The following WNT7A variants were observed in gnomAD, a reference collection of about 807,000 sequenced individuals.
WNT7A encodes Wnt family member 7A.
In WNT7A, 16 loss-of-function variants were observed where a neutral mutation model predicts 28.2. The observed-to-expected ratio is 0.57, with a 90% CI of 0.38 to 0.86. WNT7A has a LOEUF of 0.86. Among genes scored for constraint, WNT7A ranks in the 40% least tolerant of loss-of-function variants. WNT7A has a pLI of 0.00. For missense variants in WNT7A, 411 were observed against 489.7 expected (o/e 0.84, Z 1.52); for synonymous variants, 190 against 195.9 (o/e 0.97, Z 0.25).
intron 2 of WNT7A, among the ~76,000 whole-genome samples, chr3:13,861,212 C>T (rs970593980): frequency 2.0e-5 from 3 of 152,240 alleles, no homozygotes; most frequent in African/African-American, 7.2e-5. Context: ...GGCTTGGCCA[C>T]CATGGCCTGT....
chr3:13,843,889 G>C (rs1244135254), intron 3 of WNT7A, among the ~76,000 whole-genome samples: 2 of 152,000 alleles, frequency 1.3e-5, no homozygotes, highest in Non-Finnish European at 2.9e-5. Context: ...TGGGATTACA[G>C]GTGCCCGCCA....
At chr3:13,858,432 C>A (rs1694782176) in intron 2 of WNT7A, among the ~76,000 whole-genome samples, 2 of 152,220 alleles carry the variant, frequency 1.3e-5, no homozygotes, top group Admixed American at 6.5e-5. Flanking sequence ...GTCCCTGGGT[C>A]TCTCAGTCTC....
rs202159136 is a variant in WNT7A, at chr3:13,818,784, A to ATT, written c.*158_*159dup. On this transcript the variant is annotated 3_prime_UTR_variant, in exon 4 of 4. Transcript: ENST00000285018. ...ACAGAATAGTTGAGGGCTCTGAGAG[A>ATT]TTTTTTTTCCCCCACGGATGCCTGC... The ATT allele has an allele frequency of 3.5e-6, 4 of 1,144,908 alleles. No individual in the cohort carries two copies. In the East Asian group the frequency reaches 7.9e-5, roughly 23 times the overall value. 70.9% of individuals were successfully genotyped at this position (1,144,908 alleles called of 1,614,324 possible).
At chr3:13,870,881 C>G (rs2095095679) in intron 2 of WNT7A, among the ~76,000 whole-genome samples, 1 of 152,184 alleles carries the variant, frequency 6.6e-6, no homozygotes, top group Non-Finnish European at 1.5e-5. Context: ...ATACATAAGT[C>G]CCCCTTTCAC....
intron 2 of WNT7A, among the ~76,000 whole-genome samples, chr3:13,857,260 G>A (rs1193844849): frequency 1.3e-5 from 2 of 152,198 alleles, no homozygotes; most frequent in Admixed American, 6.5e-5. Context: ...GGGAATAGAC[G>A]CATGTTGCTG....
chr3:13,829,431 C>T (rs937589986), intron 3 of WNT7A, among the ~76,000 whole-genome samples: 12 of 152,208 alleles, frequency 7.9e-5, no homozygotes, highest in South Asian at 4.1e-4. Context: ...AGGCTCTTTG[C>T]GGCCTGGCAC....
rs1035165756 is a variant in WNT7A, at chr3:13,867,812, G to A, written c.298+7135C>T. ...ATGAAGAGGTAACTCGTGGAAGAGC[G>A]AACATGCACAGCCAGTAAATACAGG... On this transcript the variant is annotated intron_variant, in intron 2 of 3. Transcript: ENST00000285018. Among the ~76,000 whole-genome samples the A allele has an allele frequency of 9.2e-5, 14 of 152,296 alleles. No homozygotes were observed. The East Asian group carries it at 1.7e-3, about 19-fold the overall frequency.
At chr3:13,860,693 A>G (rs1257415910) in intron 2 of WNT7A, among the ~76,000 whole-genome samples, 4 of 152,174 alleles carry the variant, frequency 2.6e-5, no homozygotes, top group Non-Finnish European at 5.9e-5. Flanking sequence ...TAACCACTCC[A>G]GAGAACTCCC....
At chr3:13,840,220 C>T (rs891900772) in intron 3 of WNT7A, among the ~76,000 whole-genome samples, 1 of 152,194 alleles carries the variant, frequency 6.6e-6, no homozygotes, top group Non-Finnish European at 1.5e-5. Flanking sequence ...CTCCTGATCG[C>T]CTAAAATAAA....
chr3:13,833,981 G>A (rs1357393779), intron 3 of WNT7A, among the ~76,000 whole-genome samples: 1 of 152,190 alleles, frequency 6.6e-6, no homozygotes, highest in Non-Finnish European at 1.5e-5. Flanking sequence ...GCTCTGGAGG[G>A]GGAGGTGGCT....
At chr3:13,874,846 T>A in intron 2 of WNT7A, 101 bp downstream of exon 2, 1 of 1,216,572 alleles carries the variant, frequency 8.2e-7, no homozygotes, top group South Asian at 1.3e-5. Flanking sequence ...TGAGGGATAT[T>A]CTAGCAGGGG....
intron 2 of WNT7A, among the ~76,000 whole-genome samples, chr3:13,872,673 T>C (rs936979263): frequency 3.3e-5 from 5 of 152,170 alleles, no homozygotes; most frequent in Non-Finnish European, 7.3e-5. Context: ...TGGTGTGCGC[T>C]GGCAGTATTC....
chr3:13,877,091 A>C (rs1191824224), intron 1 of WNT7A: 1 of 151,456 alleles, frequency 6.6e-6, no homozygotes, highest in Non-Finnish European at 1.5e-5. Flanking sequence ...GCTCCGGGTG[A>C]GTACCTATTA....
intron 1 of WNT7A, among the ~76,000 whole-genome samples, chr3:13,877,975 A>C (rs949779447): frequency 6.6e-6 from 1 of 152,244 alleles, no homozygotes; most frequent in Non-Finnish European, 1.5e-5. Context: ...TTCACCCCTC[A>C]TGTCCACTAT....
intron 3 of WNT7A, among the ~76,000 whole-genome samples, chr3:13,839,640 ATC>A (rs962907667): frequency 5.9e-5 from 9 of 152,234 alleles, no homozygotes; most frequent in African/African-American, 2.2e-4. Flanking sequence ...TGAAAAATAC[ATC>A]TGTGTGTTTT....
At chr3:13,865,419 AT>A (rs11296181) in intron 2 of WNT7A, among the ~76,000 whole-genome samples, 122,735 of 151,990 alleles carry the variant, frequency 0.81, 50,339 homozygotes, top group East Asian at 1. Context: ...CCTAGTCAAC[AT>A]TTTTTATCCC....
At chr3:13,868,285 A>C (rs911337614) in intron 2 of WNT7A, among the ~76,000 whole-genome samples, 6 of 151,930 alleles carry the variant, frequency 3.9e-5, no homozygotes, top group African/African-American at 1.5e-4. Context: ...GAAGCTGGGA[A>C]TTTGAGACCA....
At position 13,854,914 on chromosome 3, in the gene WNT7A, G is replaced by C; in HGVS notation, c.299-111C>G. 4 of 1,425,850 alleles carry C rather than the reference G, an allele frequency of 2.8e-6. No homozygotes were observed. The South Asian group carries it at 3.5e-5, about 13-fold the overall frequency. The allele number at this position is 1,425,850 out of a possible 1,614,324, so 88.3% of individuals were successfully genotyped here. On this transcript the variant is annotated intron_variant, in intron 2 of 3. Coordinates refer to ENST00000285018, the MANE Select transcript of WNT7A (RefSeq NM_004625.4). ...GAGCTCAATGCAATGGCTCTCCAAAGCTCGACTGAGTACCCGTTCCTAACT... is the reference window on the plus strand; with the variant it reads ...GAGCTCAATGCAATGGCTCTCCAAACCTCGACTGAGTACCCGTTCCTAACT...
rs545172647 is a variant in WNT7A at position 13,818,832 on chromosome 3, T to C, written c.*112A>G. On this transcript the variant is annotated 3_prime_UTR_variant, in exon 4 of 4. Coordinates refer to ENST00000285018, the MANE Select transcript of WNT7A (RefSeq NM_004625.4). ...TGCAGGAAACCCAGGAAAAGTACCC[T>C]CCTCAGCAGAAAAGACAAGCTCAGC... 262 of 1,437,452 alleles carry C rather than the reference T, an allele frequency of 1.8e-4. 2 individuals are homozygous for C. The African/African-American group carries it at 3.3e-3, about 18-fold the overall frequency. The allele number at this position is 1,437,452 out of a possible 1,614,324, so 89.0% of individuals were successfully genotyped here. A position where few individuals can be genotyped will look rare whatever the true frequency, so the allele number is the denominator to read the frequency against.
Sources: allele counts gnomAD v4.1 joint callset (sites outside exome capture counted in the v4.1 genomes callset), GRCh38; gene constraint gnomAD v4.1.1; transcripts MANE v1.5; gene names NCBI Gene and HGNC (gene_info 2026-07-23, HGNC 2026-07-21).